The following DYNC2I1 variants were observed in gnomAD, a reference collection of about 807,000 sequenced individuals.
The protein encoded by DYNC2I1 is cytoplasmic dynein 2 intermediate chain 1.
In DYNC2I1, 89 loss-of-function variants were observed where a neutral mutation model predicts 133.4. That is an observed-to-expected ratio of 0.67 (90% CI 0.56 to 0.80). The LOEUF (loss-of-function observed/expected upper bound fraction) is 0.80. Among genes scored for constraint, DYNC2I1 ranks in the 30% least tolerant of loss-of-function variants. DYNC2I1 has a pLI of 0.00. For synonymous variants in DYNC2I1, 504 were observed against 484.3 expected (o/e 1.04, Z -0.54); for missense variants, 1,291 against 1,314.5 (o/e 0.98, Z 0.28).
At chr7:158,931,746 C>G (rs1468969476) in intron 21 of DYNC2I1, among the ~76,000 whole-genome samples, 2 of 152,242 alleles carry the variant, frequency 1.3e-5, no homozygotes, top group Non-Finnish European at 2.9e-5. Flanking sequence ...TTCCCTCAGA[C>G]TCTGCTCAAC....
At chr7:158,863,600 CGGA>C (rs1842078183) in intron 1 of DYNC2I1, among the ~76,000 whole-genome samples, 1 of 87,800 alleles carries the variant, frequency 1.1e-5, no homozygotes, top group Non-Finnish European at 2.2e-5. Flanking sequence ...GGCGGTGAGC[CGGA>C]CGTCCTTAGC....
At chr7:158,926,589 G>A (rs750061423) in intron 19 of DYNC2I1, 126 bp downstream of exon 19, 106 of 1,087,350 alleles carry the variant, frequency 9.7e-5, no homozygotes, top group Admixed American at 4.5e-4. Flanking sequence ...GCAAGACTGG[G>A]CTTCTTGGTC....
chr7:158,874,357 G>C (rs569284523), intron 3 of DYNC2I1, among the ~76,000 whole-genome samples: 151 of 152,250 alleles, frequency 9.9e-4, no homozygotes, highest in African/African-American at 3.6e-3. Flanking sequence ...ATAGGCACGT[G>C]TCACCACGCC....
Position 158,923,666 on chromosome 7 carries a change from A to T in DYNC2I1, c.2190A>T (p.Ser730=). 2 of 1,613,966 alleles carry T rather than the reference A, an allele frequency of 1.2e-6. No individual in the cohort carries two copies. The highest frequency in any genetic ancestry group is 1.7e-6 in the Non-Finnish European group (2 of 1,179,884). Residue 730 remains serine (S), a synonymous_variant, in exon 17 of 25, where the codon TCA becomes TCT. Coordinates refer to ENST00000407559, the MANE Select transcript of DYNC2I1 (RefSeq NM_018051.5). ...SVVVWDLRED[S]RLHYSVTLSD... ...TCGTCTGGGATTTGAGAGAAGACTC[A>T]AGGCTGCATTACTCTGTGACGCTGA... is the stretch of plus-strand genomic sequence containing the variant.
At chr7:158,843,971 G>A in the DYNC2I1 span, among the ~76,000 whole-genome samples, 4 of 152,132 alleles carry the variant, frequency 2.6e-5, no homozygotes, top group South Asian at 2.1e-4. Flanking sequence ...GTGAGGCACC[G>A]GTGAGTGTGA....
At chr7:158,909,322 C>G (rs1324144117) in intron 11 of DYNC2I1, among the ~76,000 whole-genome samples, 1 of 111,312 alleles carries the variant, frequency 9.0e-6, no homozygotes, top group Non-Finnish European at 1.6e-5. Flanking sequence ...CAGAGCAAGA[C>G]TCTGTCTCAA....
rs952026213 is a variant in DYNC2I1, at chr7:158,922,398, A to G, written c.1943A>G (p.His648Arg). ...FLQNRKVSSL[H>R]TSRVQRQMVV... Reference sequence around the variant, plus strand: ...CTAGATCGAAAAGTATCCTCCTTGCACACCTCCCGAGTTCAGAGGCAGATG... The same window carrying G: ...CTAGATCGAAAAGTATCCTCCTTGCGCACCTCCCGAGTTCAGAGGCAGATG... The change falls in exon 16 of 25, where the codon CAC becomes CGC. Residue 648 changes from histidine (H) to arginine (R), a missense_variant. His to Arg is a conservative substitution (Grantham distance 29, BLOSUM62 0). Transcript: ENST00000407559. 14 of 1,613,708 alleles carry G rather than the reference A, an allele frequency of 8.7e-6. No individual in the cohort carries two copies. The highest frequency in any genetic ancestry group is 1.3e-5 in the African/African-American group (1 of 74,862).
chr7:158,881,001 G>A (rs1386243128), intron 5 of DYNC2I1, among the ~76,000 whole-genome samples: 1 of 152,228 alleles, frequency 6.6e-6, no homozygotes, highest in Non-Finnish European at 1.5e-5. Context: ...CGGATCTCCT[G>A]ATCTGAACTG....
intron 7 of DYNC2I1, among the ~76,000 whole-genome samples, chr7:158,890,178 A>AAAAACATACAGAAGAAAC (rs1243825339): frequency 1.3e-5 from 2 of 152,178 alleles, no homozygotes; most frequent in African/African-American, 2.4e-5. Context: ...TAGTCACATT[A>AAAAACATACAGAAGAAAC]AAAACATACA....
intron 17 of DYNC2I1, among the ~76,000 whole-genome samples, chr7:158,924,334 A>AC (rs1283499227): frequency 3.9e-5 from 6 of 152,132 alleles, no homozygotes; most frequent in South Asian, 2.1e-4. Context: ...CTGCACTGGG[A>AC]CCCCATGCCA....
chr7:158,950,367 A>G (rs531774451), downstream of DYNC2I1, among the ~76,000 whole-genome samples: 5 of 152,324 alleles, frequency 3.3e-5, 1 homozygote, highest in Admixed American at 3.3e-4. Context: ...GCCTGGCCTA[A>G]GATTCCAGGT....
intron 5 of DYNC2I1, among the ~76,000 whole-genome samples, chr7:158,884,324 C>T (rs1484626006): frequency 6.6e-6 from 1 of 152,316 alleles, no homozygotes; most frequent in Non-Finnish European, 1.5e-5. Flanking sequence ...GGATCACAGG[C>T]GTGAGCCACC....
At chr7:158,861,331 C>T (rs771804714) in intron 1 of DYNC2I1, among the ~76,000 whole-genome samples, 4 of 152,204 alleles carry the variant, frequency 2.6e-5, no homozygotes, top group Admixed American at 1.3e-4. Flanking sequence ...GCAGACACAG[C>T]GAGCTTAATC....
At chr7:158,878,846 T>C (rs564308024) in intron 4 of DYNC2I1, among the ~76,000 whole-genome samples, 28 of 133,572 alleles carry the variant, frequency 2.1e-4, no homozygotes, top group African/African-American at 7.7e-4. Context: ...CCGGGCGCCA[T>C]GTGGGGTGGC....
intron 23 of DYNC2I1, among the ~76,000 whole-genome samples, chr7:158,938,046 T>C (rs1049415884): frequency 2.6e-5 from 4 of 152,038 alleles, no homozygotes; most frequent in African/African-American, 9.7e-5. Flanking sequence ...GGTTAGAAAA[T>C]GTATTCAAAG....
chr7:158,871,616 G>T, intron 3 of DYNC2I1, 54 bp downstream of exon 3: 14 of 1,336,278 alleles, frequency 1.0e-5, no homozygotes, highest in Non-Finnish European at 1.4e-5. Context: ...CGTCGCTGCT[G>T]GTGACAGGTT....
intron 3 of DYNC2I1, among the ~76,000 whole-genome samples, chr7:158,872,727 T>C (rs1268503034): frequency 6.6e-6 from 1 of 152,020 alleles, no homozygotes; most frequent in African/African-American, 2.4e-5. Flanking sequence ...CCAGGCACAG[T>C]GCCTCATGCC....
At chr7:158,923,943 C>T (rs1563181699) in intron 17 of DYNC2I1, among the ~76,000 whole-genome samples, 1 of 152,318 alleles carries the variant, frequency 6.6e-6, no homozygotes, top group East Asian at 1.9e-4. Flanking sequence ...CTTGAATTTC[C>T]TTTCTTAATA....
At chr7:158,881,894 G>A (rs941323212) in intron 5 of DYNC2I1, among the ~76,000 whole-genome samples, 2 of 152,110 alleles carry the variant, frequency 1.3e-5, no homozygotes, top group South Asian at 2.1e-4. Flanking sequence ...CTTAGACTCC[G>A]CTACTTGCCT....
Sources: gnomAD v4.1 joint callset for allele counts (sites outside exome capture counted in the v4.1 genomes callset) on GRCh38, gnomAD v4.1.1 for gene constraint, MANE v1.5 for transcripts, NCBI Gene and HGNC (gene_info 2026-07-23, HGNC 2026-07-21) for gene names.